Variants in SH3D19 observed in about 807,000 individuals in gnomAD.
SH3D19 encodes SH3 domain-containing protein 19.
A neutral mutation model predicts 112.1 loss-of-function variants in SH3D19; 58 were observed. The ratio of observed to expected loss-of-function variants is 0.52; its 90% CI spans 0.42 to 0.64. The LOEUF is 0.64. SH3D19 is among the 30% of genes least tolerant of loss of function. The pLI, the probability that SH3D19 is intolerant of heterozygous loss-of-function variation, is 0.00. For synonymous variants in SH3D19, 391 were observed against 448.5 expected, an observed-to-expected ratio of 0.87 and a Z score of 1.62; for missense variants, 1,090 against 1,263.4, an observed-to-expected ratio of 0.86 and a Z score of 2.08.
intron 1 of SH3D19, among the ~76,000 whole-genome samples, chr4:151,316,247 T>C (rs929558379): frequency 3.9e-5 from 6 of 152,172 alleles, no homozygotes; most frequent in African/African-American, 1.4e-4. Flanking sequence ...TACAAAAATG[T>C]GACCAGTACT....
At chr4:151,221,658 T>C (rs1768076368) in intron 2 of SH3D19, among the ~76,000 whole-genome samples, 1 of 152,238 alleles carries the variant, frequency 6.6e-6, no homozygotes, top group African/African-American at 2.4e-5. Flanking sequence ...ATTTATTTAT[T>C]CAACAATTAT....
intron 8 of SH3D19, among the ~76,000 whole-genome samples, chr4:151,160,842 A>G (rs1230782402): frequency 6.6e-6 from 1 of 152,214 alleles, no homozygotes; most frequent in Non-Finnish European, 1.5e-5. Flanking sequence ...ACAATGATTT[A>G]GAGCGAGGCA....
At chr4:151,298,467 C>T (rs1018477013) in intron 1 of SH3D19, among the ~76,000 whole-genome samples, 7 of 152,108 alleles carry the variant, frequency 4.6e-5, no homozygotes, top group Non-Finnish European at 1.0e-4. Context: ...TGAGCCACCG[C>T]GCCCAGCCAA....
At chr4:151,215,927 G>A (rs1767012110) in intron 2 of SH3D19, among the ~76,000 whole-genome samples, 1 of 152,026 alleles carries the variant, frequency 6.6e-6, no homozygotes, top group South Asian at 2.1e-4. Context: ...CCGGGTTCAA[G>A]TGATTTTCCT....
intron 17 of SH3D19, among the ~76,000 whole-genome samples, chr4:151,131,739 C>T (rs984560177): frequency 2.0e-5 from 3 of 152,106 alleles, no homozygotes; most frequent in African/African-American, 7.2e-5. Flanking sequence ...CCGCCCGCCT[C>T]GGCTTCCCAA....
At chr4:151,283,373 G>T in intron 1 of SH3D19, 1 of 1,243,174 alleles carries the variant, frequency 8.0e-7, no homozygotes, top group Non-Finnish European at 1.1e-6. Flanking sequence ...ACAGTGGATT[G>T]GGAGTCAGGA....
At chr4:151,291,830 G>A (rs1484273953) in intron 1 of SH3D19, among the ~76,000 whole-genome samples, 1 of 152,104 alleles carries the variant, frequency 6.6e-6, no homozygotes, top group East Asian at 1.9e-4. Flanking sequence ...TGCATCATGG[G>A]ATTTTAGTCT....
At chr4:151,312,406 G>A (rs532199907) in intron 1 of SH3D19, among the ~76,000 whole-genome samples, 1 of 152,306 alleles carries the variant, frequency 6.6e-6, no homozygotes, top group South Asian at 2.1e-4. Context: ...CAGTTCCTCA[G>A]CAACTATTCC....
intron 1 of SH3D19, among the ~76,000 whole-genome samples, chr4:151,231,581 G>C (rs1028047511): frequency 1.3e-5 from 2 of 152,046 alleles, no homozygotes; most frequent in African/African-American, 4.8e-5. Context: ...ATATATATTT[G>C]TTGTTGCTGA....
intron 1 of SH3D19, among the ~76,000 whole-genome samples, chr4:151,294,647 C>A (rs1203918571): frequency 6.6e-6 from 1 of 152,216 alleles, no homozygotes; most frequent in African/African-American, 2.4e-5. Context: ...TGTCTACGTG[C>A]ATTCAACAGT....
intron 2 of SH3D19, among the ~76,000 whole-genome samples, chr4:151,225,328 C>T: frequency 6.6e-6 from 1 of 152,236 alleles, no homozygotes; most frequent in African/African-American, 2.4e-5. Context: ...TACTGGGTTA[C>T]AAATATTAAA....
At chr4:151,265,375 A>G (rs1262385734) in intron 1 of SH3D19, among the ~76,000 whole-genome samples, 1 of 151,620 alleles carries the variant, frequency 6.6e-6, no homozygotes, top group Non-Finnish European at 1.5e-5. Context: ...AAAAGAGGAT[A>G]GAATGTGAGA....
chr4:151,213,005 T>C (rs544373822), intron 2 of SH3D19, among the ~76,000 whole-genome samples: 1 of 152,230 alleles, frequency 6.6e-6, no homozygotes, highest in Non-Finnish European at 1.5e-5. Context: ...TAACTGCAGA[T>C]ATAGTGGAAA....
At chr4:151,234,105 T>C (rs563165734) in intron 1 of SH3D19, among the ~76,000 whole-genome samples, 4 of 152,336 alleles carry the variant, frequency 2.6e-5, no homozygotes, top group South Asian at 2.1e-4. Flanking sequence ...AACTTTCTCC[T>C]AAAACAATTC....
At chr4:151,243,115 C>T (rs751799775) in intron 1 of SH3D19, among the ~76,000 whole-genome samples, 2 of 152,058 alleles carry the variant, frequency 1.3e-5, no homozygotes, top group Non-Finnish European at 2.9e-5. Flanking sequence ...TTCCATTTCC[C>T]TAGAAACAAA....
Position 151,176,601 on chromosome 4 carries a change from T to G in SH3D19, c.462A>C (p.Pro154=). 8.1e-7 allele frequency: 1 copy of G among 1,231,918 alleles called. No individual in the cohort carries two copies. The highest frequency in any genetic ancestry group is 1.0e-6 in the Non-Finnish European group (1 of 987,742). 76.3% of individuals were successfully genotyped at this position (1,231,918 alleles called of 1,614,324 possible). The change falls in exon 6 of 20, where the codon CCA becomes CCC. Residue 154 remains proline, a synonymous_variant. Coordinates refer to ENST00000604030, the MANE Select transcript of SH3D19 (RefSeq NM_001378122.1). ...GAGTTGCAGAAGTAATAGTGTGCCT[T>G]GGAGTAGCAGCAGCATTATTATTAT... ...TTNNNNAAAT[P]RHTITSATQT...
intron 1 of SH3D19, among the ~76,000 whole-genome samples, chr4:151,270,559 T>C (rs1773158644): frequency 6.6e-6 from 1 of 152,220 alleles, no homozygotes; most frequent in South Asian, 2.1e-4. Flanking sequence ...AATAGAAGAA[T>C]GGCCTGCCAC....
At chr4:151,262,159 T>C (rs760125935) in intron 1 of SH3D19, among the ~76,000 whole-genome samples, 13 of 152,200 alleles carry the variant, frequency 8.5e-5, no homozygotes, top group Non-Finnish European at 1.0e-4. Flanking sequence ...AGCTCAGCCT[T>C]TAGGTTGTTT....
At chr4:151,200,040 G>A (rs1764169420) in intron 2 of SH3D19, among the ~76,000 whole-genome samples, 1 of 152,036 alleles carries the variant, frequency 6.6e-6, no homozygotes, top group Non-Finnish European at 1.5e-5. Context: ...TGCCATAAGA[G>A]GAAACAGCAA....
Sources: allele counts gnomAD v4.1 joint callset (sites outside exome capture counted in the v4.1 genomes callset), GRCh38; gene constraint gnomAD v4.1.1; transcripts MANE v1.5; gene names NCBI Gene and HGNC (gene_info 2026-07-23, HGNC 2026-07-21).